Variants in FANK1 observed in about 807,000 individuals in gnomAD.
FANK1 encodes the protein fibronectin type III and ankyrin repeat domains 1.
Under a neutral mutation model 45.3 loss-of-function variants are expected in FANK1, and 44 were observed. The ratio of observed to expected loss-of-function variants is 0.97; its 90% confidence interval spans 0.76 to 1.25. FANK1 has a LOEUF of 1.25. FANK1 is among the 50% of genes most tolerant of loss of function. The probability of loss-of-function intolerance (pLI) is 0.00; values close to 1 mark genes in which losing one functional copy is unlikely to be tolerated. For synonymous variants in FANK1, 149 were observed against 152.5 expected, an observed-to-expected ratio of 0.98 and a Z score of 0.17; for missense variants, 391 against 424.4, an observed-to-expected ratio of 0.92 and a Z score of 0.69.
At chr10:125,962,358 T>G (rs1564917822) in intron 1 of FANK1, among the ~76,000 whole-genome samples, 1 of 152,208 alleles carries the variant, frequency 6.6e-6, no homozygotes, top group Non-Finnish European at 1.5e-5. Flanking sequence ...GATTTGTGGG[T>G]TTATGCTTTT....
chr10:125,963,006 A>G (rs1338257462), intron 1 of FANK1, among the ~76,000 whole-genome samples: 4 of 143,314 alleles, frequency 2.8e-5, no homozygotes, highest in African/African-American at 7.7e-5. Context: ...TTTTTTTCAG[A>G]TGGAGTCTCG....
chr10:125,993,390 G>A (rs1187950747), intron 3 of FANK1, among the ~76,000 whole-genome samples: 2 of 152,188 alleles, frequency 1.3e-5, no homozygotes, highest in East Asian at 3.9e-4. Context: ...TCCATCTAAA[G>A]TATAGATGAG....
intron 1 of FANK1, among the ~76,000 whole-genome samples, chr10:125,899,571 T>A (rs1944868165): frequency 6.6e-6 from 1 of 152,214 alleles, no homozygotes; most frequent in African/African-American, 2.4e-5. Context: ...CCATTCACAG[T>A]TACTAAATAT....
intron 1 of FANK1, among the ~76,000 whole-genome samples, chr10:125,956,204 G>C (rs914369165): frequency 1.9e-4 from 28 of 146,302 alleles, no homozygotes; most frequent in Admixed American, 1.6e-3. Context: ...ACATTTTTTG[G>C]GGGGGGGGCG....
intron 7 of FANK1, among the ~76,000 whole-genome samples, chr10:126,005,533 C>T (rs1294847139): frequency 6.6e-6 from 1 of 152,068 alleles, no homozygotes. Flanking sequence ...GTCTTGAACT[C>T]CTGACCTTAA....
At chr10:125,947,489 A>G (rs1483360316) in intron 1 of FANK1, among the ~76,000 whole-genome samples, 1 of 150,692 alleles carries the variant, frequency 6.6e-6, no homozygotes, top group Non-Finnish European at 1.5e-5. Context: ...ACAGACTTCA[A>G]ACCAACAAAG....
chr10:125,919,610 C>T (rs1946797473), intron 1 of FANK1, among the ~76,000 whole-genome samples: 1 of 152,046 alleles, frequency 6.6e-6, no homozygotes. Context: ...CCCTGAGGCT[C>T]ATGGTGGTTG....
intron 1 of FANK1, among the ~76,000 whole-genome samples, chr10:125,968,464 T>C (rs1363264406): frequency 6.6e-6 from 1 of 152,170 alleles, no homozygotes; most frequent in Non-Finnish European, 1.5e-5. Flanking sequence ...TCAGATGAGT[T>C]TTGGAAGAGC....
At chr10:125,935,861 C>G (rs1327034658) in intron 1 of FANK1, among the ~76,000 whole-genome samples, 1 of 151,928 alleles carries the variant, frequency 6.6e-6, no homozygotes, top group African/African-American at 2.4e-5. Flanking sequence ...ACACTTTTTT[C>G]TTTAGTCTAA....
At chr10:125,994,176 G>GA (rs1412973286) in intron 3 of FANK1, among the ~76,000 whole-genome samples, 2 of 151,738 alleles carry the variant, frequency 1.3e-5, no homozygotes, top group Non-Finnish European at 2.9e-5. Flanking sequence ...GATGGGGTAA[G>GA]AGGGAGGGTG....
rs1945584527 is a variant in FANK1, at chr10:125,907,056, T to C, written c.13+10401T>C. ...ACTGAACCAGGGTTGTTCTAAGGAT[T>C]AGTGAAATGTATGTAAAGCCTTTAG... On this transcript the variant is annotated intron_variant, in intron 1 of 10. Transcript: ENST00000368693. Among the ~76,000 whole-genome samples the C allele has an allele frequency of 2.0e-5, 3 of 152,220 alleles. No individual in the cohort carries two copies. The South Asian group carries it at 6.2e-4, about 32-fold the overall frequency.
chr10:125,925,177 G>A (rs1589881783), intron 1 of FANK1, among the ~76,000 whole-genome samples: 1 of 152,180 alleles, frequency 6.6e-6, no homozygotes, highest in East Asian at 1.9e-4. Context: ...TTTACTGAGA[G>A]ATATATTAAA....
intron 1 of FANK1, among the ~76,000 whole-genome samples, chr10:125,969,880 T>C (rs893529129): frequency 1.3e-5 from 2 of 152,234 alleles, no homozygotes; most frequent in Non-Finnish European, 2.9e-5. Context: ...CATCTTGCAC[T>C]GCCCTTAATC....
At chr10:125,957,057 A>G (rs1210568615) in intron 1 of FANK1, among the ~76,000 whole-genome samples, 3 of 152,148 alleles carry the variant, frequency 2.0e-5, no homozygotes, top group Non-Finnish European at 2.9e-5. Context: ...GGGTTTCACC[A>G]TGTTAGCTAG....
chr10:125,920,867 C>T lies in FANK1; in HGVS notation c.13+24212C>T, dbSNP rs565879422. Among the ~76,000 whole-genome samples the T allele has an allele frequency of 3.3e-5, 5 of 152,244 alleles. No homozygotes were observed. The East Asian group carries it at 9.6e-4, about 29-fold the overall frequency. On this transcript the variant is annotated intron_variant, in intron 1 of 10. Transcript: ENST00000368693. ...TGTTTACAACAAATTTGGGAGATACCTATATGCACTACTAACTAGTGTTCT... is the reference window on the plus strand; with the variant it reads ...TGTTTACAACAAATTTGGGAGATACTTATATGCACTACTAACTAGTGTTCT...
At chr10:125,949,923 G>C (rs1949084642) in intron 1 of FANK1, among the ~76,000 whole-genome samples, 1 of 141,444 alleles carries the variant, frequency 7.1e-6, no homozygotes, top group Non-Finnish European at 1.5e-5. Context: ...GAGAGATATA[G>C]ATCAATGGAA....
intron 1 of FANK1, among the ~76,000 whole-genome samples, chr10:125,928,641 T>C (rs573973465): frequency 4.2e-4 from 64 of 152,318 alleles, no homozygotes; most frequent in African/African-American, 1.5e-3. Flanking sequence ...TAAAAACTTT[T>C]AGTCTTTCTG....
At chr10:125,956,911 C>T (rs531138322) in intron 1 of FANK1, among the ~76,000 whole-genome samples, 18 of 152,286 alleles carry the variant, frequency 1.2e-4, no homozygotes, top group African/African-American at 2.2e-4. Flanking sequence ...TGCAATGGCG[C>T]GATCTCAGCT....
chr10:125,929,524 A>T (rs2134140003), intron 1 of FANK1, among the ~76,000 whole-genome samples: 1 of 152,306 alleles, frequency 6.6e-6, no homozygotes, highest in East Asian at 1.9e-4. Flanking sequence ...GTTGAAGTCT[A>T]CAGCTGCATA....
Sources: allele counts gnomAD v4.1 joint callset (sites outside exome capture counted in the v4.1 genomes callset), GRCh38; gene constraint gnomAD v4.1.1; transcripts MANE v1.5; gene names NCBI Gene and HGNC (gene_info 2026-07-23, HGNC 2026-07-21).